The following PLXNB3 variants were observed in gnomAD, a reference collection of about 807,000 sequenced individuals.
PLXNB3 encodes plexin-B3.
Under a neutral mutation model 125.7 loss-of-function variants are expected in PLXNB3, and 80 were observed. The observed-to-expected ratio is 0.64, with a 90% CI of 0.53 to 0.77. The LOEUF (loss-of-function observed/expected upper bound fraction) is 0.77, where lower values mean the gene tolerates loss of function less well. Ranked by LOEUF, PLXNB3 falls within the 30% of genes least tolerant of loss-of-function variation. PLXNB3 has a pLI of 0.00. For missense variants in PLXNB3, 1,836 were observed against 1,729.3 expected (o/e 1.06, Z -1.09); for synonymous variants, 954 against 783.3 (o/e 1.22, Z -3.64).
Position 153,776,115 on chromosome X carries a change from G to A in PLXNB3, c.4630G>A (p.Asp1544Asn), listed in dbSNP as rs782000261. ...GCAGCGCGTGCCAGCCCGGGTGCTC[G>A]ACACGGACACCATCACCCAGGTCAA... ...EMQRVPARVL[D>N]TDTITQVKEK... Residue 1544 changes from aspartate (D) to asparagine (N), a missense_variant, in exon 27 of 36, where the codon GAC (aspartate) becomes AAC (asparagine). Asp to Asn is a conservative substitution (Grantham distance 23). Transcript: ENST00000361971. The A allele has an allele frequency of 5.8e-6, 7 of 1,201,944 alleles. No individual in the cohort carries two copies. Among genetic ancestry groups the A allele is most frequent in the South Asian group, 5.4e-5 (3 of 55,709 alleles).
In PLXNB3 at chrX:153,769,947, G is replaced by T. The variant is rs781882885; in HGVS notation, c.1629+8G>T. ...CGCCAGGAGCAGGGCCAGGTAAGCC[G>T]CCCACCACCACTGGGCCCTCTGGGC... On this transcript the variant is annotated splice_region_variant and intron_variant, in intron 7 of 35. Coordinates refer to ENST00000361971, the MANE Select transcript of PLXNB3 (RefSeq NM_005393.3). 2 of 1,202,089 alleles carry T rather than the reference G, an allele frequency of 1.7e-6. No homozygotes were observed. The highest frequency in any genetic ancestry group is 4.4e-5 in the Admixed American group (2 of 45,460).
intron 6 of PLXNB3, 93 bp downstream of exon 6, chrX:153,769,355 A>C: frequency 1.4e-6 from 1 of 702,912 alleles, no homozygotes; most frequent in Non-Finnish European, 2.1e-6. Flanking sequence ...CCGGGAGGCC[A>C]ACCCTGCCTG....
At chrX:153,769,729 GCCTCC>G in intron 6 of PLXNB3, 73 bp from the exon 7 acceptor site, 3 of 1,058,878 alleles carry the variant, frequency 2.8e-6, no homozygotes, top group Non-Finnish European at 3.8e-6. Flanking sequence ...AGCTGGGCCG[GCCTCC>G]CCAGGCCCCT....
chrX:153,768,650 G>A (rs1557060319), intron 4 of PLXNB3, among the ~76,000 whole-genome samples: 1 of 112,433 alleles, frequency 8.9e-6, no homozygotes, highest in African/African-American at 3.2e-5. Context: ...AGGTGGGCAG[G>A]GTGTGGTGCC....
chrX:153,778,371 C>T (rs1557065280), intron 33 of PLXNB3, 25 bp from the exon 34 acceptor site: 1 of 1,209,630 alleles, frequency 8.3e-7, no homozygotes, highest in East Asian at 3.0e-5. Context: ...GGCTGCCCCA[C>T]CCCTAACGAA....
Position 153,765,463 on chromosome X carries a change from C to A in PLXNB3, c.-65-8C>A, listed in dbSNP as rs782526592. 5 of 1,122,874 alleles carry A rather than the reference C, an allele frequency of 4.5e-6. No homozygotes were observed. The highest frequency in any genetic ancestry group is 6.0e-6 in the Non-Finnish European group (5 of 833,151). The allele number at this position is 1,122,874 out of a possible 1,213,427, so 92.5% of individuals were successfully genotyped here. On this transcript the variant is annotated splice_polypyrimidine_tract_variant and splice_region_variant and intron_variant, in intron 1 of 35. Coordinates refer to ENST00000361971, the MANE Select transcript of PLXNB3 (RefSeq NM_005393.3). ...GGGCTGAGCCTCGACTGTCTCCCTC[C>A]CACTCAGGACAATGCCCCCCCGCAG... is the stretch of plus-strand genomic sequence containing the variant.
Position 153,777,995 on chromosome X carries a change from T to A in PLXNB3, c.5309T>A (p.Ile1770Asn), listed in dbSNP as rs373926896. 3.6e-5 allele frequency: 43 copies of A among 1,210,704 alleles called. No homozygotes were observed. Among genetic ancestry groups the A allele is most frequent in the Non-Finnish European group, 4.8e-5 (43 of 895,202 alleles). The change falls in exon 32 of 36, where the codon ATC becomes AAC. Residue 1770 changes from isoleucine (I) to asparagine (N), a missense_variant. By Grantham distance (149) the Ile-to-Asn change is moderately radical. Coordinates refer to ENST00000361971, the MANE Select transcript of PLXNB3 (RefSeq NM_005393.3). ...AATGCCTTGAAGAACCCACAGCTCATCTTTGATGTACGGGTGTCGGACAAT... is the reference window on the plus strand; with the variant it reads ...AATGCCTTGAAGAACCCACAGCTCAACTTTGATGTACGGGTGTCGGACAAT... The part of the protein sequence containing the change: ...WVNALKNPQL[I>N]FDVRVSDNVD...
chrX:153,775,048 G>A lies in PLXNB3; in HGVS notation c.4100G>A (p.Arg1367His), dbSNP rs782100931. The A allele has an allele frequency of 7.4e-5, 90 of 1,208,612 alleles. 1 individual carries two copies. Among genetic ancestry groups the A allele is most frequent in the Non-Finnish European group, 9.5e-5 (85 of 894,360 alleles). ...PGEDGHCATVRQGLTQLSNLL... is the reference protein window; with the variant it reads ...PGEDGHCATVHQGLTQLSNLL... ...GAGGACGGCCACTGTGCCACTGTGC[G>A]CCAGGGCCTCACGCAGCTCTCCAAC... Residue 1367 changes from arginine (R) to histidine (H), a missense_variant, in exon 24 of 36, where the codon CGC (arginine) becomes CAC (histidine). Arg to His is a conservative substitution (Grantham distance 29). Coordinates refer to ENST00000361971, the MANE Select transcript of PLXNB3 (RefSeq NM_005393.3).
At chrX:153,769,373 G>A in intron 6 of PLXNB3, 111 bp downstream of exon 6, 1 of 580,310 alleles carries the variant, frequency 1.7e-6, no homozygotes, top group East Asian at 3.6e-5. Context: ...CTGTTGGAGA[G>A]ACTCAGGGCC....
At chrX:153,766,585 G>A (rs1402732835) in intron 2 of PLXNB3, 2 of 1,047,731 alleles carry the variant, frequency 1.9e-6, no homozygotes, top group Middle Eastern at 3.7e-4. Flanking sequence ...TGCATATAAA[G>A]TAGGAGATGA....
chrX:153,771,707 G>A (rs781975142), intron 14 of PLXNB3, 52 bp downstream of exon 14: 21 of 1,129,967 alleles, frequency 1.9e-5, no homozygotes, highest in Non-Finnish European at 2.4e-5. Flanking sequence ...CTCCTGCCCC[G>A]CACTGTCCTG....
intron 8 of PLXNB3, 44 bp downstream of exon 8, chrX:153,770,292 G>A (rs782333314): frequency 3.3e-5 from 40 of 1,201,786 alleles, no homozygotes; most frequent in African/African-American, 1.9e-4. Flanking sequence ...AGGCTGGAGG[G>A]GTAATGAGCC....
chrX:153,768,242 C>T lies in PLXNB3; in HGVS notation c.1087-7C>T, dbSNP rs2091882029. Reference sequence around the variant, plus strand: ...CGGGGGCTGATTCTCCACTTCCTGCCACGTAGGATTCCCCCGAGTCGTACC... The same window carrying T: ...CGGGGGCTGATTCTCCACTTCCTGCTACGTAGGATTCCCCCGAGTCGTACC... On this transcript the variant is annotated splice_polypyrimidine_tract_variant and splice_region_variant and intron_variant, in intron 3 of 35. Transcript: ENST00000361971. 8.5e-7 allele frequency: 1 copy of T among 1,177,642 alleles called. No homozygotes were observed. The highest frequency in any genetic ancestry group is 1.1e-6 in the Non-Finnish European group (1 of 873,014).
At chrX:153,775,478 C>T in intron 25 of PLXNB3, 75 bp downstream of exon 25, 1 of 1,158,154 alleles carries the variant, frequency 8.6e-7, no homozygotes, top group Non-Finnish European at 1.2e-6. Flanking sequence ...CCTGGGCGGG[C>T]TCTGTCCAGG....
In PLXNB3 at chrX:153,770,578, G is replaced by A; in HGVS notation, c.1946G>A (p.Ser649Asn). ...SIWRCHWCPQSSHCVYGEHCP... is the reference protein window; with the variant it reads ...SIWRCHWCPQNSHCVYGEHCP... ...TGGCGGTGTCACTGGTGCCCGCAGA[G>A]TAGCCACTGCGTGTACGGAGAGCAC... The change falls in exon 10 of 36, where the codon AGT (serine) becomes AAT (asparagine). Residue 649 changes from serine to asparagine, a missense_variant. Coordinates refer to ENST00000361971, the MANE Select transcript of PLXNB3 (RefSeq NM_005393.3). The A allele has an allele frequency of 6.6e-6, 8 of 1,211,038 alleles. No individual in the cohort carries two copies. Among genetic ancestry groups the A allele is most frequent in the South Asian group, 1.8e-5 (1 of 57,046 alleles).
At chrX:153,770,942 C>A in intron 11 of PLXNB3, 23 bp from the exon 12 acceptor site, 1 of 1,208,067 alleles carries the variant, frequency 8.3e-7, no homozygotes, top group Non-Finnish European at 1.1e-6. Flanking sequence ...CGTGTCCACA[C>A]TCCTGACAGC....
chrX:153,771,554 G>T lies in PLXNB3; in HGVS notation c.2416G>T (p.Gly806Cys). 8.3e-7 allele frequency: 1 copy of T among 1,208,766 alleles called. No homozygotes were observed. The highest frequency in any genetic ancestry group is 1.1e-6 in the Non-Finnish European group (1 of 894,291). The change falls in exon 14 of 36, where the codon GGC (glycine) becomes TGC (cysteine). Residue 806 changes from glycine to cysteine, a missense_variant. Transcript: ENST00000361971. ...SHCQAANRSL[G>C]CLWCADGQPA... ...CTGCCAAGCGGCCAACAGGAGCCTG[G>T]GCTGCCTGTGGTGTGCTGACGGCCA...
At position 153,772,272 on chromosome X, in the gene PLXNB3, G is replaced by A. The variant is rs1278049497; in HGVS notation, c.2760G>A (p.Gln920=). The stretch of plus-strand genomic sequence containing the variant: ...GCCAGCCACCAGGCATCTCAAGCCA[G>A]CACTTCACCTACCAGGTCAGTGGCC... ...IKSQPPGISS[Q]HFTYQDPVLL... is the part of the protein sequence containing the mutation. The change falls in exon 16 of 36, where the codon CAG becomes CAA. Residue 920 remains glutamine, a synonymous_variant. Coordinates refer to ENST00000361971, the MANE Select transcript of PLXNB3 (RefSeq NM_005393.3). 2 of 1,202,678 alleles carry A rather than the reference G, an allele frequency of 1.7e-6. No homozygotes were observed. The highest frequency in any genetic ancestry group is 4.4e-5 in the Admixed American group (2 of 45,967).
chrX:153,775,291 C>T lies in PLXNB3; in HGVS notation c.4222C>T (p.Leu1408=). ...QRDRCHVASL[L]SLALHGKLEY... is the part of the protein sequence containing the mutation. Reference sequence around the variant, plus strand: ...GGATCGCTGCCATGTGGCTTCGCTGCTGTCGCTAGCGCTACACGGCAAGCT... The same window carrying T: ...GGATCGCTGCCATGTGGCTTCGCTGTTGTCGCTAGCGCTACACGGCAAGCT... The change falls in exon 25 of 36, where the codon CTG becomes TTG. Residue 1408 remains leucine, a synonymous_variant. Coordinates refer to ENST00000361971, the MANE Select transcript of PLXNB3 (RefSeq NM_005393.3). The T allele has an allele frequency of 5.0e-6, 6 of 1,208,190 alleles. No homozygotes were observed. Among genetic ancestry groups the T allele is most frequent in the Non-Finnish European group, 6.7e-6 (6 of 893,811 alleles).
Sources: gnomAD v4.1 joint callset for allele counts (sites outside exome capture counted in the v4.1 genomes callset) on GRCh38, gnomAD v4.1.1 for gene constraint, MANE v1.5 for transcripts, NCBI Gene and HGNC (gene_info 2026-07-23, HGNC 2026-07-21) for gene names.